Variants in NBPF14 observed in about 807,000 individuals in gnomAD.
NBPF14 encodes the protein NBPF member 14.
A neutral mutation model predicts 91.2 loss-of-function variants in NBPF14; 104 were observed. The observed-to-expected ratio is 1.14, with a 90% CI of 0.97 to 1.34. NBPF14 has a LOEUF of 1.34. Among genes scored for constraint, NBPF14 ranks in the 40% most tolerant of loss-of-function variants. The probability of loss-of-function intolerance (pLI) is 0.00; values close to 1 mark genes in which losing one functional copy is unlikely to be tolerated. For synonymous variants in NBPF14, 294 were observed against 303.8 expected, an observed-to-expected ratio of 0.97 and a Z score of 0.34; for missense variants, 908 against 783.0, an observed-to-expected ratio of 1.16 and a Z score of -1.91.
At chr1:148,575,884 G>C in intron 16 of NBPF14, 73 bp from the exon 17 acceptor site, 1 of 282,692 alleles carries the variant, frequency 3.5e-6, no homozygotes, top group Non-Finnish European at 6.2e-6. Flanking sequence ...TAGATTTCAT[G>C]GCTAACATAA....
rs1232025457 is a variant in NBPF14, at chr1:148,533,854, A to C, written c.8723+7T>G. On this transcript the variant is annotated splice_region_variant and intron_variant, in intron 70 of 70. Transcript: ENST00000619423. ...AGAACTAAGGATCCACAATTGCTGAAAGTCACCTGGGGCATGGTGGGTTTT... is the reference window on the plus strand; with the variant it reads ...AGAACTAAGGATCCACAATTGCTGACAGTCACCTGGGGCATGGTGGGTTTT... 2.6e-6 allele frequency: 2 copies of C among 764,900 alleles called. No homozygotes were observed. The highest frequency in any genetic ancestry group is 3.4e-5 in the African/African-American group (2 of 58,618). The allele number at this position is 764,900 out of a possible 1,614,324, so 47.4% of individuals were successfully genotyped here.
chr1:148,566,345 G>T (rs1658259031), intron 28 of NBPF14, 30 bp from the exon 29 acceptor site: 3 of 758,716 alleles, frequency 4.0e-6, no homozygotes, highest in Non-Finnish European at 4.7e-6. Context: ...TAAAGAATAA[G>T]CCAGGGGAAA....
chr1:148,577,562 AC>A (rs1660089400), intron 14 of NBPF14, among the ~76,000 whole-genome samples: 2 of 150,490 alleles, frequency 1.3e-5, no homozygotes, highest in Non-Finnish European at 2.9e-5. Flanking sequence ...ACACACACAC[AC>A]ACACACACAC....
exon 21 of NBPF14, chr1:148,572,483 T>G (rs1201753620): frequency 3.6e-6 from 2 of 560,244 alleles, no homozygotes; most frequent in Non-Finnish European, 6.2e-6. Flanking sequence ...GTTCCTCCAA[T>G]GAGTAAACAG....
Position 148,566,565 on chromosome 1 carries a change from C to T in NBPF14, c.3543-250G>A, listed in dbSNP as rs1213898729. Reference sequence around the variant, plus strand: ...CAAACACACACACACACACAGAGAACGAGCTCAGTGAATTGTCCAGGTGAC... The same window carrying T: ...CAAACACACACACACACACAGAGAATGAGCTCAGTGAATTGTCCAGGTGAC... On this transcript the variant is annotated intron_variant, in intron 28 of 70. Transcript: ENST00000619423. 7.1e-4 allele frequency among the ~76,000 whole-genome samples: 95 copies of T among 132,916 alleles called. 2 individuals carry two copies. The highest frequency in any genetic ancestry group is 4.0e-3 in the Middle Eastern group (1 of 252). 87.2% of individuals were successfully genotyped at this position (132,916 alleles called of 152,430 possible). A position where few individuals can be genotyped will look rare whatever the true frequency, so the allele number is the denominator to read the frequency against.
chr1:148,557,740 C>T (rs1412508533), intron 39 of NBPF14, among the ~76,000 whole-genome samples, 198 bp from the exon 40 acceptor site: 3 of 127,502 alleles, frequency 2.4e-5, no homozygotes, highest in Non-Finnish European at 4.7e-5. Flanking sequence ...GTGAAATATC[C>T]CCATTCTGGT....
intron 18 of NBPF14, among the ~76,000 whole-genome samples, chr1:148,574,474 G>C (rs1198024387): frequency 0.035 from 873 of 24,790 alleles, no homozygotes; most frequent in African/African-American, 0.053. Flanking sequence ...CACACACACA[G>C]AGAGAGAGAG....
intron 37 of NBPF14, 54 bp downstream of exon 37, chr1:148,559,739 A>T: frequency 1.0e-6 from 1 of 955,848 alleles, no homozygotes; most frequent in Non-Finnish European, 1.6e-6. Flanking sequence ...TAGGAATATG[A>T]CCCTAACCAG....
At position 148,533,982 on chromosome 1, in the gene NBPF14, C is replaced by G. The variant is rs1422019181; in HGVS notation, c.8615-13G>C. The G allele has an allele frequency of 2.9e-6, 2 of 696,384 alleles. No homozygotes were observed. Among genetic ancestry groups the G allele is most frequent in the Non-Finnish European group, 5.2e-6 (2 of 383,982 alleles). 43.1% of individuals were successfully genotyped at this position (696,384 alleles called of 1,614,324 possible). On this transcript the variant is annotated splice_polypyrimidine_tract_variant and intron_variant, in intron 69 of 70. Transcript: ENST00000619423. ...TTCTTTTCAATTTCTGCAATAAATT[C>G]AGACATGGACAGACACATTAAGCTG...
At chr1:148,566,378 T>A (rs1658275439) in intron 28 of NBPF14, 63 bp from the exon 29 acceptor site, 3 of 740,306 alleles carry the variant, frequency 4.1e-6, no homozygotes, top group Non-Finnish European at 5.0e-6. Context: ...GAGCCTCAAC[T>A]AGGTTTCATG....
chr1:148,585,164 T>G, exon 10 of NBPF14: 1 of 1,557,456 alleles, frequency 6.4e-7, no homozygotes, highest in Non-Finnish European at 8.8e-7. Flanking sequence ...ATTTCTGCAC[T>G]TTCTCAGCCA....
intron 59 of NBPF14, among the ~76,000 whole-genome samples, chr1:148,542,123 A>C (rs1570920306): frequency 9.6e-6 from 1 of 104,438 alleles, no homozygotes; most frequent in South Asian, 3.5e-4. Flanking sequence ...CAATCAACTT[A>C]AAGCATATAC....
Position 148,539,286 on chromosome 1 carries a change from C to A in NBPF14, c.7882+124G>T. The A allele has an allele frequency of 6.3e-6, 4 of 635,604 alleles. 1 individual carries two copies. Among genetic ancestry groups the A allele is most frequent in the Non-Finnish European group, 1.1e-5 (4 of 360,422 alleles). The allele number at this position is 635,604 out of a possible 1,614,324, so 39.4% of individuals were successfully genotyped here. A position where few individuals can be genotyped will look rare whatever the true frequency, so the allele number is the denominator to read the frequency against. Reference sequence around the variant, plus strand: ...CTACAGTTTCTTTACAACCTATATGCGCCCATAGGTCCTGACTGCGGCAAT... The same window carrying A: ...CTACAGTTTCTTTACAACCTATATGAGCCCATAGGTCCTGACTGCGGCAAT... On this transcript the variant is annotated intron_variant, in intron 63 of 70. Coordinates refer to ENST00000619423, the Ensembl canonical transcript of NBPF14.
exon 13 of NBPF14, chr1:148,579,106 T>C: frequency 3.9e-6 from 2 of 506,346 alleles, no homozygotes; most frequent in South Asian, 4.1e-5. Flanking sequence ...GACTTGCTGT[T>C]CCTCTAATGA....
chr1:148,559,591 C>G (rs1157304037), intron 37 of NBPF14, among the ~76,000 whole-genome samples: 2 of 123,662 alleles, frequency 1.6e-5, no homozygotes, highest in Non-Finnish European at 3.1e-5. Flanking sequence ...TGGCCTGAGA[C>G]TAGGAAGAGA....
exon 70 of NBPF14, chr1:148,533,929 T>G: frequency 1.3e-6 from 1 of 743,616 alleles, no homozygotes; most frequent in East Asian, 2.5e-5. Flanking sequence ...TCTTTGATCT[T>G]CTTCCCCTTC....
At chr1:148,534,463 A>G (rs1384288982) in intron 69 of NBPF14, among the ~76,000 whole-genome samples, 1 of 151,722 alleles carries the variant, frequency 6.6e-6, no homozygotes, top group African/African-American at 2.4e-5. Flanking sequence ...TCAGGGCGCC[A>G]CAGGTATGGC....
chr1:148,534,836 TC>T lies in NBPF14; in HGVS notation c.8461del (p.Asp2821MetfsTer28). The T allele has an allele frequency of 9.3e-7, 1 of 1,072,410 alleles. No homozygotes were observed. The highest frequency in any genetic ancestry group is 1.4e-6 in the Non-Finnish European group (1 of 700,984). 66.4% of individuals were successfully genotyped at this position (1,072,410 alleles called of 1,614,324 possible). A position where few individuals can be genotyped will look rare whatever the true frequency, so the allele number is the denominator to read the frequency against. ...CTGCAAGACTTCAGGATCTTTCTCA[TC>T]CAGCAGCTCCCTGCTGAGCCTGGAA... On this transcript the variant is annotated frameshift_variant, in exon 69 of 71. Transcript: ENST00000619423. LOFTEE classifies it high-confidence loss of function.
intron 18 of NBPF14, among the ~76,000 whole-genome samples, chr1:148,574,476 G>GAA (rs1659498662): frequency 4.7e-5 from 2 of 42,756 alleles, no homozygotes; most frequent in Non-Finnish European, 9.6e-5. Flanking sequence ...CACACACAGA[G>GAA]AGAGAGAGAG....
Sources: gnomAD v4.1 joint callset for allele counts (sites outside exome capture counted in the v4.1 genomes callset) on GRCh38, gnomAD v4.1.1 for gene constraint, MANE v1.5 for transcripts, NCBI Gene and HGNC (gene_info 2026-07-23, HGNC 2026-07-21) for gene names.